PCDHAC2: variants seen among roughly 807,000 people sequenced by gnomAD.
PCDHAC2 encodes the protein protocadherin alpha subfamily C, 2, also known as protocadherin alpha-C2.
A neutral mutation model predicts 63.3 loss-of-function variants in PCDHAC2; 24 were observed. The ratio of observed to expected loss-of-function variants is 0.38; its 90% CI spans 0.27 to 0.53. PCDHAC2 has a LOEUF of 0.53. Among genes scored for constraint, PCDHAC2 ranks in the 20% least tolerant of loss-of-function variants. The probability of loss-of-function intolerance (pLI) is 0.81; values close to 1 mark genes in which losing one functional copy is unlikely to be tolerated. For synonymous variants in PCDHAC2, 569 were observed against 529.4 expected, an observed-to-expected ratio of 1.07 and a Z score of -1.03; for missense variants, 1,181 against 1,275.2, an observed-to-expected ratio of 0.93 and a Z score of 1.12.
intron 1 of PCDHAC2, among the ~76,000 whole-genome samples, chr5:140,976,481 G>A (rs549195125): frequency 6.6e-6 from 1 of 152,160 alleles, no homozygotes; most frequent in South Asian, 2.1e-4. Flanking sequence ...AATCCGGGAG[G>A]CAGAGGTTGC....
chr5:140,973,653 A>G (rs2096597249), intron 1 of PCDHAC2, among the ~76,000 whole-genome samples: 1 of 152,202 alleles, frequency 6.6e-6, no homozygotes, highest in African/African-American at 2.4e-5. Context: ...TGAAGAAGAA[A>G]TCTATTTATT....
chr5:140,986,634 A>C (rs1587175680), intron 3 of PCDHAC2, among the ~76,000 whole-genome samples: 3 of 152,202 alleles, frequency 2.0e-5, no homozygotes, highest in South Asian at 2.1e-4. Flanking sequence ...GCAACAGTAC[A>C]TTAGTTTTAG....
chr5:140,972,280 T>C (rs1210047183), intron 1 of PCDHAC2, among the ~76,000 whole-genome samples: 1 of 151,092 alleles, frequency 6.6e-6, no homozygotes, highest in South Asian at 2.1e-4. Context: ...GCTTGGACCA[T>C]AGATGTGCGC....
At chr5:140,993,509 CGGGGAGAG>C (rs2097568152) in intron 3 of PCDHAC2, among the ~76,000 whole-genome samples, 1 of 143,490 alleles carries the variant, frequency 7.0e-6, no homozygotes, top group Non-Finnish European at 1.5e-5. Flanking sequence ...CACACACACA[CGGGGAGAG>C]AGAGACAGAG....
chr5:141,006,680 G>A (rs1449792614), intron 3 of PCDHAC2, among the ~76,000 whole-genome samples: 5 of 152,036 alleles, frequency 3.3e-5, no homozygotes, highest in African/African-American at 1.2e-4. Flanking sequence ...AGTGAAAATT[G>A]GGAGAAGAGG....
At chr5:141,008,809 C>T (rs1397377778) in intron 3 of PCDHAC2, among the ~76,000 whole-genome samples, 2 of 152,160 alleles carry the variant, frequency 1.3e-5, no homozygotes, top group African/African-American at 4.8e-5. Flanking sequence ...CAAATAGGCT[C>T]AATTTACAAC....
intron 3 of PCDHAC2, among the ~76,000 whole-genome samples, chr5:140,994,615 G>C (rs2097641272): frequency 6.6e-6 from 1 of 152,078 alleles, no homozygotes; most frequent in Admixed American, 6.6e-5. Context: ...TGAGGCACGA[G>C]AGTCACTTGA....
rs373471484 is a variant in PCDHAC2, at chr5:140,997,017, TA to T, written c.2714-12609del. 5.1e-4 allele frequency among the ~76,000 whole-genome samples: 78 copies of T among 152,304 alleles called. No individual in the cohort carries two copies. The South Asian group carries it at 0.011, about 21-fold the overall frequency. ...TAACAATTTTGTGTGTATCCTCCAA[TA>T]TTTTTTTGAAATTAATGAACTTTAC... On this transcript the variant is annotated intron_variant, in intron 3 of 3. Transcript: ENST00000289269.
chr5:140,969,366 A>C (rs1554231734), intron 1 of PCDHAC2, 35 bp downstream of exon 1: 1 of 1,609,828 alleles, frequency 6.2e-7, no homozygotes. Context: ...CTACAAACTC[A>C]TGCATTTGTT....
In PCDHAC2 at chr5:141,010,033, G is replaced by A. The variant is rs2098415819; in HGVS notation, c.*96G>A. 1.9e-6 allele frequency: 3 copies of A among 1,581,924 alleles called. No homozygotes were observed. The South Asian group carries it at 3.6e-5, about 19-fold the overall frequency. ...CCCTGCTCCTTTTTCCTATCTACAT[G>A]AGCCCTCTTAGAGACCTCAGAAATC... On this transcript the variant is annotated 3_prime_UTR_variant, in exon 4 of 4. Transcript: ENST00000289269.
chr5:140,973,923 C>T (rs1157032594), intron 1 of PCDHAC2, among the ~76,000 whole-genome samples: 1 of 152,170 alleles, frequency 6.6e-6, no homozygotes, highest in African/African-American at 2.4e-5. Flanking sequence ...TCACCAAACC[C>T]AGAGGTTTAG....
intron 1 of PCDHAC2, among the ~76,000 whole-genome samples, chr5:140,970,479 G>A (rs782054417): frequency 1.3e-4 from 20 of 152,160 alleles, no homozygotes; most frequent in Admixed American, 8.5e-4. Context: ...AGGCCAGCTT[G>A]TTCATTATTA....
At position 140,968,124 on chromosome 5, in the gene PCDHAC2, G is replaced by A. The variant is rs202202452; in HGVS notation, c.1358G>A (p.Arg453His). The change falls in exon 1 of 4, where the codon CGT becomes CAT. Residue 453 changes from arginine (R) to histidine (H), a missense_variant. By Grantham distance (29) the Arg-to-His change is conservative (BLOSUM62 0). Transcript: ENST00000289269. The part of the protein sequence containing the change: ...DGGIPQLTSL[R>H]TLKVEISDIN... ...GGAATACCGCAGCTCACATCCCTGC[G>A]TACACTGAAGGTTGAGATCTCTGAC... 3.7e-5 allele frequency: 59 copies of A among 1,614,008 alleles called. No homozygotes were observed. Among genetic ancestry groups the A allele is most frequent in the Non-Finnish European group, 4.7e-5 (55 of 1,180,032 alleles).
intron 3 of PCDHAC2, among the ~76,000 whole-genome samples, chr5:140,985,803 G>T (rs536777034): frequency 2.9e-5 from 4 of 139,766 alleles, no homozygotes; most frequent in Non-Finnish European, 6.0e-5. Context: ...GCAGTGGCAC[G>T]ATCTCAGCTC....
intron 3 of PCDHAC2, among the ~76,000 whole-genome samples, chr5:141,003,475 G>A (rs934289848): frequency 2.0e-5 from 3 of 151,932 alleles, no homozygotes; most frequent in Non-Finnish European, 2.9e-5. Flanking sequence ...CCACAGTCTC[G>A]CTAATTTTTA....
rs1308888029 is a variant in PCDHAC2 at position 141,011,344 on chromosome 5, A to G, written c.*1407A>G. Reference sequence around the variant, plus strand: ...ACACCTATGATGTTACCTGAAATCAATCTCCCATATGTATGCTGTATGCTA... The same window carrying G: ...ACACCTATGATGTTACCTGAAATCAGTCTCCCATATGTATGCTGTATGCTA... On this transcript the variant is annotated 3_prime_UTR_variant, in exon 4 of 4. Coordinates refer to ENST00000289269, the MANE Select transcript of PCDHAC2 (RefSeq NM_018899.6). 3 of 153,730 alleles carry G rather than the reference A, an allele frequency of 2.0e-5. No homozygotes were observed. The highest frequency in any genetic ancestry group is 2.9e-5 in the Non-Finnish European group (2 of 68,040). The allele number at this position is 153,730 out of a possible 1,614,324, so 9.5% of individuals were successfully genotyped here.
chr5:141,010,381 T>C lies in PCDHAC2; in HGVS notation c.*444T>C. On this transcript the variant is annotated 3_prime_UTR_variant, in exon 4 of 4. Transcript: ENST00000289269. ...ACCGCGGGTATGCGAGTGCCAGATA[T>C]TGGCTGAGACGAGCCAGCTTAGACT... 2.8e-6 allele frequency: 4 copies of C among 1,442,848 alleles called. No homozygotes were observed. The highest frequency in any genetic ancestry group is 2.8e-6 in the Non-Finnish European group (3 of 1,086,990). The allele number at this position is 1,442,848 out of a possible 1,614,324, so 89.4% of individuals were successfully genotyped here.
At position 140,966,545 on chromosome 5, in the gene PCDHAC2, G is replaced by T. The variant is rs1554228431; in HGVS notation, c.-222G>T. 1 of 465,862 alleles carries T rather than the reference G, an allele frequency of 2.1e-6. No homozygotes were observed. Among genetic ancestry groups the T allele is most frequent in the East Asian group, 3.5e-5 (1 of 28,458 alleles). The allele number at this position is 465,862 out of a possible 1,614,324, so 28.9% of individuals were successfully genotyped here. A position where few individuals can be genotyped will look rare whatever the true frequency, so the allele number is the denominator to read the frequency against. On this transcript the variant is annotated 5_prime_UTR_variant, in exon 1 of 4. Transcript: ENST00000289269. ...CCGAGCCGGGTTGAGCGACTCGGAG[G>T]CGAGCGGAGGAGCTGGAATATGGGG...
At position 141,000,391 on chromosome 5, in the gene PCDHAC2, CTCTCTATA is replaced by C. The variant is rs1374519322; in HGVS notation, c.2714-9234_2714-9227del. Reference sequence around the variant, plus strand: ...TCTCTCTCTCTCTCTCTCTCTCTCTCTCTCTATATATATATATATATATATATATATTT... The same window carrying C: ...TCTCTCTCTCTCTCTCTCTCTCTCTCTATATATATATATATATATATATTT... On this transcript the variant is annotated intron_variant, in intron 3 of 3. Transcript: ENST00000289269. Among the ~76,000 whole-genome samples the C allele has an allele frequency of 7.6e-3, 431 of 56,394 alleles. 1 individual carries two copies. The highest frequency in any genetic ancestry group is 0.013 in the African/African-American group (152 of 11,988). The allele number at this position is 56,394 out of a possible 152,430, so 37.0% of individuals were successfully genotyped here. A position where few individuals can be genotyped will look rare whatever the true frequency, so the allele number is the denominator to read the frequency against.
Sources: gnomAD v4.1 joint callset for allele counts (sites outside exome capture counted in the v4.1 genomes callset) on GRCh38, gnomAD v4.1.1 for gene constraint, MANE v1.5 for transcripts, NCBI Gene and HGNC (gene_info 2026-07-23, HGNC 2026-07-21) for gene names.